Variants in B4GALT5 observed in about 807,000 individuals in gnomAD.
B4GALT5 encodes the protein UDP-Gal:beta-GlcNAc beta-1,4-galactosyltransferase 5.
A neutral mutation model predicts 45.0 loss-of-function variants in B4GALT5; 11 were observed. The ratio of observed to expected loss-of-function variants is 0.24; its 90% CI spans 0.15 to 0.40. The LOEUF (loss-of-function observed/expected upper bound fraction) is 0.40, where lower values mean the gene tolerates loss of function less well. B4GALT5 is among the 10% of genes least tolerant of loss of function. B4GALT5 has a pLI of 1.00. For missense variants in B4GALT5, 337 were observed against 500.2 expected (o/e 0.67, Z 3.11); for synonymous variants, 185 against 182.9 (o/e 1.01, Z -0.09).
In B4GALT5 at chr20:49,652,138, G is replaced by C. The variant is rs140433220; in HGVS notation, c.250+4430C>G. Among the ~76,000 whole-genome samples the C allele has an allele frequency of 2.3e-4, 35 of 152,166 alleles. No homozygotes were observed. In the East Asian group the frequency reaches 6.8e-3, roughly 29 times the overall value. ...GCTATACCTCAGGCCAATTAAATAA[G>C]AATCGCTAGCAGTCAGGCACAGACA... On this transcript the variant is annotated intron_variant, in intron 2 of 8. Coordinates refer to ENST00000371711, the MANE Select transcript of B4GALT5 (RefSeq NM_004776.4).
At chr20:49,685,616 A>G (rs2085781962) in intron 1 of B4GALT5, among the ~76,000 whole-genome samples, 1 of 152,190 alleles carries the variant, frequency 6.6e-6, no homozygotes, top group African/African-American at 2.4e-5. Context: ...TTTGTCTCCT[A>G]TAGCTGTCTA....
intron 1 of B4GALT5, among the ~76,000 whole-genome samples, 156 bp downstream of exon 1, chr20:49,713,420 C>T (rs1479120996): frequency 1.3e-5 from 2 of 151,760 alleles, no homozygotes; most frequent in African/African-American, 2.4e-5. Context: ...GCAGGAATGT[C>T]CTGGCGTCCC....
At chr20:49,697,895 C>CT (rs1816786769) in intron 1 of B4GALT5, among the ~76,000 whole-genome samples, 1 of 152,178 alleles carries the variant, frequency 6.6e-6, no homozygotes, top group African/African-American at 2.4e-5. Flanking sequence ...ATACTGTTTT[C>CT]TTTTAGCAAA....
At chr20:49,686,460 T>C (rs2085785929) in intron 1 of B4GALT5, among the ~76,000 whole-genome samples, 1 of 152,160 alleles carries the variant, frequency 6.6e-6, no homozygotes, top group Non-Finnish European at 1.5e-5. Flanking sequence ...GTCTGTCTTC[T>C]TAACCCTAGA....
At chr20:49,661,870 T>C (rs1345222080) in intron 1 of B4GALT5, among the ~76,000 whole-genome samples, 1 of 152,230 alleles carries the variant, frequency 6.6e-6, no homozygotes, top group African/African-American at 2.4e-5. Flanking sequence ...AATGTAATTA[T>C]TATCCAGCCT....
At chr20:49,676,592 C>T (rs1056987637) in intron 1 of B4GALT5, among the ~76,000 whole-genome samples, 7 of 152,248 alleles carry the variant, frequency 4.6e-5, no homozygotes, top group Non-Finnish European at 8.8e-5. Context: ...GCCAACTGAG[C>T]TCTTCCTTCC....
intron 1 of B4GALT5, among the ~76,000 whole-genome samples, chr20:49,692,657 T>C (rs1010715608): frequency 2.0e-5 from 3 of 152,234 alleles, no homozygotes; most frequent in African/African-American, 7.2e-5. Flanking sequence ...TCCATGATTC[T>C]GTTTTCCCAC....
chr20:49,665,921 T>C (rs954837200), intron 1 of B4GALT5, among the ~76,000 whole-genome samples: 3 of 151,856 alleles, frequency 2.0e-5, no homozygotes, highest in African/African-American at 7.3e-5. Flanking sequence ...AGGTTGCATA[T>C]GGCAAGAACA....
At chr20:49,688,666 CAG>C (rs1489593252) in intron 1 of B4GALT5, among the ~76,000 whole-genome samples, 6 of 152,154 alleles carry the variant, frequency 3.9e-5, no homozygotes, top group African/African-American at 1.4e-4. Context: ...AGGCCGGGTG[CAG>C]TGGCTCACGC....
chr20:49,711,407 T>C (rs1568738500), intron 1 of B4GALT5, among the ~76,000 whole-genome samples: 1 of 152,210 alleles, frequency 6.6e-6, no homozygotes, highest in Non-Finnish European at 1.5e-5. Context: ...AACCTTTCTA[T>C]CAAAAGGGTG....
At position 49,646,957 on chromosome 20, in the gene B4GALT5, G is replaced by A; in HGVS notation, c.364+8C>T. On this transcript the variant is annotated splice_region_variant and intron_variant, in intron 3 of 8. Coordinates refer to ENST00000371711, the MANE Select transcript of B4GALT5 (RefSeq NM_004776.4). ...AAGCAGAGGAAGACAGGCCAGAGCT[G>A]TACTCACTCATGGAAGGGAGTCTTT... The A allele has an allele frequency of 1.3e-6, 2 of 1,562,716 alleles. No homozygotes were observed. The highest frequency in any genetic ancestry group is 1.8e-6 in the Non-Finnish European group (2 of 1,133,812).
chr20:49,638,366 A>T (rs575077276), intron 7 of B4GALT5, among the ~76,000 whole-genome samples: 3 of 152,288 alleles, frequency 2.0e-5, no homozygotes, highest in African/African-American at 7.2e-5. Flanking sequence ...TTAACAACAA[A>T]CACATACTTT....
At chr20:49,698,880 T>C (rs1324613314) in intron 1 of B4GALT5, among the ~76,000 whole-genome samples, 1 of 152,178 alleles carries the variant, frequency 6.6e-6, no homozygotes, top group Non-Finnish European at 1.5e-5. Flanking sequence ...TGTTTATTAA[T>C]AACATGCTTA....
intron 1 of B4GALT5, among the ~76,000 whole-genome samples, chr20:49,677,072 G>A (rs1334336530): frequency 6.6e-6 from 1 of 151,990 alleles, no homozygotes; most frequent in African/African-American, 2.4e-5. Context: ...TTGTTCTAGG[G>A]GGTATTTCTG....
chr20:49,713,138 C>CGAA (rs1052042843), intron 1 of B4GALT5, among the ~76,000 whole-genome samples: 10 of 147,502 alleles, frequency 6.8e-5, no homozygotes, highest in African/African-American at 2.5e-4. Flanking sequence ...ATGGGCTCGG[C>CGAA]GAAGAGCGGG....
chr20:49,706,959 TCA>T (rs954979436), intron 1 of B4GALT5, among the ~76,000 whole-genome samples: 6 of 152,186 alleles, frequency 3.9e-5, no homozygotes, highest in African/African-American at 1.4e-4. Flanking sequence ...TTCTGCTCTC[TCA>T]GAGAGCTCTA....
intron 3 of B4GALT5, among the ~76,000 whole-genome samples, chr20:49,645,381 A>G (rs943527329): frequency 3.3e-5 from 5 of 152,234 alleles, no homozygotes; most frequent in South Asian, 2.1e-4. Context: ...TAGCTGCCAT[A>G]GCATTGTTGT....
At chr20:49,687,076 T>G (rs1203728253) in intron 1 of B4GALT5, among the ~76,000 whole-genome samples, 3 of 152,132 alleles carry the variant, frequency 2.0e-5, no homozygotes, top group African/African-American at 7.2e-5. Context: ...AGGGGACATT[T>G]GGCAGTATCT....
chr20:49,639,621 T>C (rs989946858), intron 7 of B4GALT5, 57 bp downstream of exon 7: 32 of 1,600,058 alleles, frequency 2.0e-5, no homozygotes, highest in Non-Finnish European at 2.5e-5. Flanking sequence ...TCGGATAGTA[T>C]TGGTCTGCAG....
Sources: gnomAD v4.1 joint callset for allele counts (sites outside exome capture counted in the v4.1 genomes callset) on GRCh38, gnomAD v4.1.1 for gene constraint, MANE v1.5 for transcripts, NCBI Gene and HGNC (gene_info 2026-07-23, HGNC 2026-07-21) for gene names.